DLGAP2: variants seen among roughly 807,000 people sequenced by gnomAD.
DLGAP2 encodes the protein DLG associated protein 2.
A neutral mutation model predicts 100.3 loss-of-function variants in DLGAP2; 26 were observed. The ratio of observed to expected loss-of-function variants is 0.26; its 90% CI spans 0.19 to 0.36. DLGAP2 has a LOEUF of 0.36. Ranked by LOEUF, DLGAP2 falls within the 10% of genes least tolerant of loss-of-function variation. The pLI is 1.00. For missense variants in DLGAP2, 1,858 were observed against 1,453.2 expected (o/e 1.28, Z -4.53); for synonymous variants, 886 against 630.1 (o/e 1.41, Z -6.08).
At chr8:1,181,586 C>A (rs936052429) in intron 2 of DLGAP2, among the ~76,000 whole-genome samples, 1 of 151,900 alleles carries the variant, frequency 6.6e-6, no homozygotes, top group Admixed American at 6.6e-5. Context: ...CTAATGGGTA[C>A]TAGGCTTAAT....
At chr8:1,187,439 A>T (rs1563239830) in intron 2 of DLGAP2, among the ~76,000 whole-genome samples, 1 of 131,912 alleles carries the variant, frequency 7.6e-6, no homozygotes, top group Non-Finnish European at 1.6e-5. Flanking sequence ...CGTTTGCCTC[A>T]CGGAATCTCA....
intron 1 of DLGAP2, among the ~76,000 whole-genome samples, chr8:781,205 C>T (rs780833435): frequency 1.1e-4 from 17 of 151,992 alleles, no homozygotes; most frequent in South Asian, 2.1e-4. Flanking sequence ...CTATATTGCT[C>T]GGGATGGTAT....
intron 3 of DLGAP2, among the ~76,000 whole-genome samples, chr8:1,281,515 C>A (rs1799813263): frequency 1.3e-5 from 2 of 152,192 alleles, no homozygotes; most frequent in African/African-American, 2.4e-5. Flanking sequence ...GGAGACAGCC[C>A]TGGACTCCCT....
intron 3 of DLGAP2, among the ~76,000 whole-genome samples, chr8:1,332,364 T>C (rs1585268172): frequency 6.6e-6 from 1 of 152,266 alleles, no homozygotes; most frequent in East Asian, 1.9e-4. Flanking sequence ...TACATCTGTG[T>C]ACACATATCT....
In DLGAP2 at chr8:1,632,832, C is replaced by G; in HGVS notation, c.1596C>G (p.Ser532Arg). The G allele has an allele frequency of 6.2e-7, 1 of 1,605,468 alleles. No homozygotes were observed. ...TGTGCTGTTGATGATTGCAGGTGAG[C>G]GAGGCGGAGATCAATGGGCAATTCG... is the stretch of plus-strand genomic sequence containing the variant. ...LSQASCVSQV[S>R]EAEINGQFES... Residue 532 changes from serine to arginine, a missense_variant, in exon 8 of 15, where the codon AGC (serine) becomes AGG (arginine). Ser to Arg is a moderately radical substitution (Grantham distance 110, BLOSUM62 -1). Transcript: ENST00000637795.
intron 4 of DLGAP2, among the ~76,000 whole-genome samples, chr8:1,514,448 C>G (rs1300629691): frequency 2.0e-5 from 3 of 152,286 alleles, no homozygotes; most frequent in South Asian, 2.1e-4. Flanking sequence ...TAAAATTCAG[C>G]TACTGTATCA....
chr8:1,173,165 G>T (rs1365596701), intron 2 of DLGAP2, among the ~76,000 whole-genome samples: 3 of 152,198 alleles, frequency 2.0e-5, no homozygotes, highest in Non-Finnish European at 4.4e-5. Flanking sequence ...CAGTTTGCCT[G>T]GGTATCGGCA....
At chr8:1,653,115 C>T (rs1798204529) in intron 8 of DLGAP2, among the ~76,000 whole-genome samples, 1 of 152,216 alleles carries the variant, frequency 6.6e-6, no homozygotes, top group Non-Finnish European at 1.5e-5. Context: ...AAGGAGTGCC[C>T]AGTTGCTGCC....
intron 3 of DLGAP2, among the ~76,000 whole-genome samples, chr8:1,479,533 G>C (rs1799031339): frequency 6.6e-6 from 1 of 152,166 alleles, no homozygotes; most frequent in Non-Finnish European, 1.5e-5. Context: ...GTGTTTACTT[G>C]ATGGAGGACC....
rs1336580600 is a variant in DLGAP2, at chr8:1,102,259, A to G, written c.74-156592A>G. On this transcript the variant is annotated intron_variant, in intron 2 of 14. Transcript: ENST00000637795. ...CTTTTACTGATTAATATTAATATAT[A>G]TTTACATACATATATAATATATAAT... 2.0e-5 allele frequency among the ~76,000 whole-genome samples: 3 copies of G among 147,762 alleles called. No homozygotes were observed. The Admixed American group carries it at 2.0e-4, about 10-fold the overall frequency.
At chr8:936,080 G>C (rs1194224162) in intron 2 of DLGAP2, among the ~76,000 whole-genome samples, 1 of 152,140 alleles carries the variant, frequency 6.6e-6, no homozygotes, top group Non-Finnish European at 1.5e-5. Flanking sequence ...GCACGTTGTG[G>C]GTTGAGCTGC....
intron 2 of DLGAP2, among the ~76,000 whole-genome samples, chr8:1,190,001 C>T (rs1171874412): frequency 2.6e-5 from 4 of 152,118 alleles, no homozygotes; most frequent in Non-Finnish European, 4.4e-5. Flanking sequence ...AGGAGAACCC[C>T]CGTTTTCTGG....
intron 2 of DLGAP2, among the ~76,000 whole-genome samples, chr8:961,381 A>G (rs1170585886): frequency 6.6e-6 from 1 of 151,712 alleles, no homozygotes; most frequent in African/African-American, 2.4e-5. Flanking sequence ...AATTTTGCAT[A>G]TTTCACCTGT....
At chr8:942,334 A>G (rs1799216412) in intron 2 of DLGAP2, among the ~76,000 whole-genome samples, 1 of 152,202 alleles carries the variant, frequency 6.6e-6, no homozygotes, top group South Asian at 2.1e-4. Flanking sequence ...GGAGGGAGCA[A>G]CACACACTTG....
intron 3 of DLGAP2, among the ~76,000 whole-genome samples, chr8:1,438,590 A>G (rs559796446): frequency 3.9e-5 from 6 of 152,326 alleles, no homozygotes; most frequent in Admixed American, 3.3e-4. Flanking sequence ...ATTTTAGTGA[A>G]ACTAGCAGTG....
At chr8:1,057,985 T>C (rs1802933397) in intron 2 of DLGAP2, among the ~76,000 whole-genome samples, 1 of 152,262 alleles carries the variant, frequency 6.6e-6, no homozygotes, top group Non-Finnish European at 1.5e-5. Flanking sequence ...TTTGTGGCTC[T>C]ACATGAACCT....
At chr8:1,608,943 G>A (rs1796910233) in intron 6 of DLGAP2, among the ~76,000 whole-genome samples, 1 of 151,984 alleles carries the variant, frequency 6.6e-6, no homozygotes, top group Non-Finnish European at 1.5e-5. Context: ...TGGGGCGAAT[G>A]GAACCAAGTT....
At chr8:830,185 A>G (rs1332366966) in intron 1 of DLGAP2, among the ~76,000 whole-genome samples, 1 of 152,194 alleles carries the variant, frequency 6.6e-6, no homozygotes, top group Non-Finnish European at 1.5e-5. Context: ...GGTACATAGT[A>G]GATGTATATA....
At chr8:840,014 C>T (rs965338483) in intron 1 of DLGAP2, among the ~76,000 whole-genome samples, 6 of 144,624 alleles carry the variant, frequency 4.1e-5, no homozygotes, top group Non-Finnish European at 9.1e-5. Flanking sequence ...TCTCCCCACA[C>T]TCTGGATTCT....
Sources: gnomAD v4.1 joint callset for allele counts (sites outside exome capture counted in the v4.1 genomes callset) on GRCh38, gnomAD v4.1.1 for gene constraint, MANE v1.5 for transcripts, NCBI Gene and HGNC (gene_info 2026-07-23, HGNC 2026-07-21) for gene names.